Variants in SEMA6D observed in about 807,000 individuals in gnomAD.
SEMA6D encodes the protein semaphorin-6D.
SEMA6D carries 35 observed loss-of-function variants against 106.6 expected under a neutral mutation model. The ratio of observed to expected loss-of-function variants is 0.33; its 90% CI spans 0.25 to 0.44. SEMA6D has a LOEUF of 0.44. Among genes scored for constraint, SEMA6D ranks in the 20% least tolerant of loss-of-function variants. The pLI is 1.00. For synonymous variants in SEMA6D, 499 were observed against 487.7 expected (o/e 1.02, Z -0.31); for missense variants, 1,185 against 1,345.9 (o/e 0.88, Z 1.87).
intron 1 of SEMA6D, among the ~76,000 whole-genome samples, chr15:47,263,760 T>TAGTATTCTG (rs1205129568): frequency 8.6e-5 from 13 of 151,770 alleles, no homozygotes; most frequent in Non-Finnish European, 1.9e-4. Context: ...TATGGCCACA[T>TAGTATTCTG]AGTATTCTGT....
At chr15:47,698,136 T>C (rs2078737750) in intron 4 of SEMA6D, among the ~76,000 whole-genome samples, 1 of 152,232 alleles carries the variant, frequency 6.6e-6, no homozygotes, top group Admixed American at 6.5e-5. Flanking sequence ...TATTAAAATA[T>C]GAGTTTAGGG....
chr15:47,258,471 C>G (rs2033917277), intron 1 of SEMA6D, among the ~76,000 whole-genome samples: 1 of 152,150 alleles, frequency 6.6e-6, no homozygotes, highest in Non-Finnish European at 1.5e-5. Flanking sequence ...CCAATCTGCT[C>G]AGGACCCAAA....
intron 2 of SEMA6D, among the ~76,000 whole-genome samples, chr15:47,451,677 G>A (rs1290492196): frequency 1.3e-5 from 2 of 151,902 alleles, no homozygotes; most frequent in East Asian, 1.9e-4. Context: ...CTAACAACTG[G>A]GGAATTCATA....
intron 4 of SEMA6D, among the ~76,000 whole-genome samples, chr15:47,605,014 A>G (rs1200663477): frequency 6.6e-6 from 1 of 152,112 alleles, no homozygotes; most frequent in Non-Finnish European, 1.5e-5. Context: ...CCTCACTGTA[A>G]TAGTTATCTA....
chr15:47,501,401 G>C (rs994839820), intron 3 of SEMA6D, among the ~76,000 whole-genome samples: 1 of 152,276 alleles, frequency 6.6e-6, no homozygotes, highest in African/African-American at 2.4e-5. Context: ...CACATCAGGG[G>C]TTTGCCATAT....
intron 1 of SEMA6D, among the ~76,000 whole-genome samples, chr15:47,318,223 T>C (rs2036767931): frequency 6.6e-6 from 1 of 151,768 alleles, no homozygotes; most frequent in Non-Finnish European, 1.5e-5. Flanking sequence ...GTTGCGAATA[T>C]TTTTTCCCAC....
intron 4 of SEMA6D, among the ~76,000 whole-genome samples, chr15:47,663,122 G>A (rs1243747329): frequency 6.6e-6 from 1 of 152,074 alleles, no homozygotes; most frequent in Non-Finnish European, 1.5e-5. Context: ...ATTTAAAAAC[G>A]TTTATAAGGC....
chr15:47,668,521 A>T (rs1249248234), intron 4 of SEMA6D, among the ~76,000 whole-genome samples: 1 of 152,200 alleles, frequency 6.6e-6, no homozygotes. Flanking sequence ...AATGAGATAA[A>T]GTCCACCCTA....
intron 3 of SEMA6D, among the ~76,000 whole-genome samples, chr15:47,538,336 G>A (rs188097593): frequency 4.6e-5 from 7 of 152,214 alleles, no homozygotes; most frequent in African/African-American, 1.4e-4. Flanking sequence ...AAGAAGTTGG[G>A]TGTTGATACA....
At chr15:47,514,483 G>A (rs1447481832) in intron 3 of SEMA6D, among the ~76,000 whole-genome samples, 1 of 152,128 alleles carries the variant, frequency 6.6e-6, no homozygotes, top group Non-Finnish European at 1.5e-5. Context: ...TGTCTCACTT[G>A]CAGCATTCCC....
At chr15:47,303,153 G>A (rs1300148522) in intron 1 of SEMA6D, among the ~76,000 whole-genome samples, 1 of 152,196 alleles carries the variant, frequency 6.6e-6, no homozygotes, top group Non-Finnish European at 1.5e-5. Context: ...TGCCTAACAA[G>A]ATGTCTAAAG....
At chr15:47,636,315 T>C (rs1436852654) in intron 4 of SEMA6D, among the ~76,000 whole-genome samples, 1 of 152,220 alleles carries the variant, frequency 6.6e-6, no homozygotes, top group Non-Finnish European at 1.5e-5. Context: ...AATTATGGTC[T>C]TGAAAAACAA....
chr15:47,588,859 A>G (rs7168717), intron 3 of SEMA6D, among the ~76,000 whole-genome samples: 73,016 of 151,964 alleles, frequency 0.48, 18,127 homozygotes, highest in East Asian at 0.67. Context: ...GTTCTCGATC[A>G]GGGCAGTTTG....
chr15:47,766,501 T>C (rs560254203), intron 15 of SEMA6D, 115 bp from the exon 16 acceptor site: 87 of 865,522 alleles, frequency 1.0e-4, no homozygotes, highest in Middle Eastern at 2.3e-4. Context: ...TTTTTTTTTT[T>C]TCTCTCTCTG....
At chr15:47,712,824 C>T (rs1381968707), upstream of SEMA6D, among the ~76,000 whole-genome samples, 4 of 152,272 alleles carry the variant, frequency 2.6e-5, no homozygotes, top group East Asian at 1.9e-4. Context: ...GGAGTCTCAG[C>T]TTTCTTTTTG....
At chr15:47,670,191 A>G (rs904837996) in intron 4 of SEMA6D, among the ~76,000 whole-genome samples, 12 of 152,284 alleles carry the variant, frequency 7.9e-5, no homozygotes, top group African/African-American at 2.9e-4. Flanking sequence ...TGCTCCCTTA[A>G]CTTCCCATAA....
chr15:47,235,841 G>A (rs2141658135), intron 1 of SEMA6D, among the ~76,000 whole-genome samples: 1 of 152,050 alleles, frequency 6.6e-6, no homozygotes, highest in East Asian at 1.9e-4. Context: ...TTTAGCACTA[G>A]GTAATTTCCC....
chr15:47,313,393 T>A (rs2036519970), intron 1 of SEMA6D, among the ~76,000 whole-genome samples: 1 of 152,210 alleles, frequency 6.6e-6, no homozygotes, highest in Non-Finnish European at 1.5e-5. Context: ...TCACATTGGC[T>A]TCTTTCATTT....
chr15:47,338,735 G>A (rs2037678290), intron 1 of SEMA6D, among the ~76,000 whole-genome samples: 1 of 152,082 alleles, frequency 6.6e-6, no homozygotes, highest in Admixed American at 6.5e-5. Flanking sequence ...AAACCAAGGG[G>A]CAGCCTGTGA....
Sources: allele counts gnomAD v4.1 joint callset (sites outside exome capture counted in the v4.1 genomes callset), GRCh38; gene constraint gnomAD v4.1.1; transcripts MANE v1.5; gene names NCBI Gene and HGNC (gene_info 2026-07-23, HGNC 2026-07-21).